Variants in KIDINS220 observed in about 807,000 individuals in gnomAD.
The protein encoded by KIDINS220 is kinase D-interacting substrate of 220 kDa.
A neutral mutation model predicts 157.6 loss-of-function variants in KIDINS220; 63 were observed. That is an observed-to-expected ratio of 0.40 (90% CI 0.33 to 0.49). KIDINS220 has a LOEUF of 0.49. Ranked by LOEUF, KIDINS220 falls within the 20% of genes least tolerant of loss-of-function variation. The pLI is 0.66. For missense variants in KIDINS220, 1,772 were observed against 2,171.2 expected, an observed-to-expected ratio of 0.82 and a Z score of 3.65; for synonymous variants, 732 against 783.6, an observed-to-expected ratio of 0.93 and a Z score of 1.10.
At chr2:8,773,123 G>C (rs1466889787) in intron 21 of KIDINS220, among the ~76,000 whole-genome samples, 1 of 152,126 alleles carries the variant, frequency 6.6e-6, no homozygotes, top group African/African-American at 2.4e-5. Flanking sequence ...GGTGTTAGGG[G>C]CTTTTATAAA....
chr2:8,740,041 C>T (rs147970434), intron 26 of KIDINS220: 2,657 of 262,892 alleles, frequency 0.01, 28 homozygotes, highest in Non-Finnish European at 0.013. Flanking sequence ...AACTAATAAA[C>T]CGAACGCACC....
chr2:8,753,251 A>C (rs1667595605), intron 22 of KIDINS220, among the ~76,000 whole-genome samples: 1 of 152,226 alleles, frequency 6.6e-6, no homozygotes, highest in Non-Finnish European at 1.5e-5. Context: ...TACTGATACA[A>C]AGAACATGGA....
At chr2:8,773,211 A>T (rs1670468699) in intron 21 of KIDINS220, among the ~76,000 whole-genome samples, 2 of 152,216 alleles carry the variant, frequency 1.3e-5, no homozygotes, top group African/African-American at 4.8e-5. Context: ...CTCTGATTTA[A>T]CAATTGGAAA....
rs1671489340 is a variant in KIDINS220 at position 8,780,079 on chromosome 2, A to T, written c.2230-265T>A. Among the ~76,000 whole-genome samples the T allele has an allele frequency of 2.0e-5, 3 of 152,354 alleles. No homozygotes were observed. In the South Asian group the frequency reaches 6.2e-4, roughly 32 times the overall value. The stretch of plus-strand genomic sequence containing the variant: ...GTTCTAAAAAGAACAAACTGGGTTG[A>T]GTGACTAACTTGCCAAGATTAGAGG... On this transcript the variant is annotated intron_variant, in intron 17 of 29. Coordinates refer to ENST00000256707, the MANE Select transcript of KIDINS220 (RefSeq NM_020738.4).
chr2:8,766,194 C>T (rs1669464984), intron 22 of KIDINS220, among the ~76,000 whole-genome samples: 1 of 114,756 alleles, frequency 8.7e-6, no homozygotes, highest in Non-Finnish European at 2.3e-5. Context: ...TGACCTCCTA[C>T]TCACTTGCTT....
intron 26 of KIDINS220, among the ~76,000 whole-genome samples, chr2:8,744,383 AAAAAAATATATATATATAATAT>A (rs1666159984): frequency 1.0e-4 from 3 of 28,936 alleles, no homozygotes; most frequent in South Asian, 1.9e-3. Flanking sequence ...AAAAAAAAAA[AAAAAAATATATATATATAATAT>A]ATATATATAT....
chr2:8,740,066 T>C (rs1370935488), intron 26 of KIDINS220: 2 of 497,250 alleles, frequency 4.0e-6, no homozygotes, highest in Non-Finnish European at 5.2e-6. Context: ...TGAGCACAGA[T>C]TTATAGACAG....
rs1663889712 is a variant in KIDINS220 at position 8,730,474 on chromosome 2, T to C, written c.*246A>G. On this transcript the variant is annotated 3_prime_UTR_variant, in exon 30 of 30. Coordinates refer to ENST00000256707, the MANE Select transcript of KIDINS220 (RefSeq NM_020738.4). The stretch of plus-strand genomic sequence containing the variant: ...AAAGTTTTATGGGGTAATGCGCCAA[T>C]GAAAGGTACAGTAGTATTAGTGAGT... The C allele has an allele frequency of 7.6e-7, 1 of 1,313,494 alleles. No individual in the cohort carries two copies. The allele number at this position is 1,313,494 out of a possible 1,614,324, so 81.4% of individuals were successfully genotyped here.
chr2:8,796,029 A>G (rs1276413319), intron 11 of KIDINS220, among the ~76,000 whole-genome samples: 3 of 152,352 alleles, frequency 2.0e-5, no homozygotes, highest in Non-Finnish European at 2.9e-5. Flanking sequence ...ATGTTGTAAC[A>G]TGGCAAAATG....
rs532456761 is a variant in KIDINS220, at chr2:8,738,885, T to C, written c.3586-1886A>G. Among the ~76,000 whole-genome samples the C allele has an allele frequency of 3.3e-5, 5 of 152,252 alleles. No homozygotes were observed. The South Asian group carries it at 1.0e-3, about 31-fold the overall frequency. On this transcript the variant is annotated intron_variant, in intron 26 of 29. Coordinates refer to ENST00000256707, the MANE Select transcript of KIDINS220 (RefSeq NM_020738.4). ...TTATACTACAGTTATGAAAGATGTT[T>C]ACATTGACAGAATAGCATTTTTTGC...
At chr2:8,738,584 C>G (rs1665207412) in intron 26 of KIDINS220, among the ~76,000 whole-genome samples, 1 of 152,150 alleles carries the variant, frequency 6.6e-6, no homozygotes, top group Admixed American at 6.5e-5. Context: ...TATACAGTCC[C>G]CTTGTAATCA....
chr2:8,751,406 A>G (rs1040351734), intron 23 of KIDINS220, 60 bp downstream of exon 23: 22 of 1,405,134 alleles, frequency 1.6e-5, no homozygotes, highest in Middle Eastern at 3.5e-4. Flanking sequence ...CAAATAAGTT[A>G]GAAACATGAA....
chr2:8,814,619 G>GT (rs1186216531), intron 4 of KIDINS220, among the ~76,000 whole-genome samples: 2 of 152,346 alleles, frequency 1.3e-5, no homozygotes, highest in Non-Finnish European at 2.9e-5. Context: ...AGTTATGGTA[G>GT]TAACTGCTGC....
chr2:8,744,431 T>A (rs1666259437), intron 26 of KIDINS220, among the ~76,000 whole-genome samples: 3 of 106,578 alleles, frequency 2.8e-5, no homozygotes, highest in African/African-American at 7.5e-5. Context: ...TATATATATA[T>A]ATATATATAT....
chr2:8,740,240 A>G, intron 26 of KIDINS220: 1 of 781,532 alleles, frequency 1.3e-6, no homozygotes, highest in Non-Finnish European at 1.6e-6. Flanking sequence ...AACACATCCG[A>G]TGCACAACTA....
intron 4 of KIDINS220, among the ~76,000 whole-genome samples, chr2:8,816,715 C>T (rs1558481851): frequency 6.6e-6 from 1 of 152,200 alleles, no homozygotes; most frequent in Non-Finnish European, 1.5e-5. Flanking sequence ...CCGTCTTTGC[C>T]TCAGTTACTG....
Position 8,730,065 on chromosome 2 carries a change from G to A in KIDINS220, c.*655C>T, listed in dbSNP as rs776849507. 192 of 985,386 alleles carry A rather than the reference G, an allele frequency of 1.9e-4. No individual in the cohort carries two copies. Among genetic ancestry groups the A allele is most frequent in the Non-Finnish European group, 2.2e-4 (185 of 829,974 alleles). The allele number at this position is 985,386 out of a possible 1,614,324, so 61.0% of individuals were successfully genotyped here. A position where few individuals can be genotyped will look rare whatever the true frequency, so the allele number is the denominator to read the frequency against. Reference sequence around the variant, plus strand: ...CCCACGGAGGTCACCAGCCCTCCCCGCATCTACTCTCCTAACAGCTCAGGA... The same window carrying A: ...CCCACGGAGGTCACCAGCCCTCCCCACATCTACTCTCCTAACAGCTCAGGA... On this transcript the variant is annotated 3_prime_UTR_variant, in exon 30 of 30. Coordinates refer to ENST00000256707, the MANE Select transcript of KIDINS220 (RefSeq NM_020738.4).
chr2:8,771,953 A>C (rs1670293499), intron 21 of KIDINS220, among the ~76,000 whole-genome samples: 1 of 152,152 alleles, frequency 6.6e-6, no homozygotes, highest in Non-Finnish European at 1.5e-5. Flanking sequence ...TTTCCTTAAG[A>C]ATATAACTAC....
intron 2 of KIDINS220, among the ~76,000 whole-genome samples, chr2:8,826,267 A>G (rs1472170233): frequency 6.6e-6 from 1 of 152,238 alleles, no homozygotes; most frequent in Non-Finnish European, 1.5e-5. Context: ...TAATAATCCC[A>G]AAGTGTGTGG....
Sources: gnomAD v4.1 joint callset for allele counts (sites outside exome capture counted in the v4.1 genomes callset) on GRCh38, gnomAD v4.1.1 for gene constraint, MANE v1.5 for transcripts, NCBI Gene and HGNC (gene_info 2026-07-23, HGNC 2026-07-21) for gene names.